Variants in MAP3K13 observed in about 807,000 individuals in gnomAD.
The protein encoded by MAP3K13 is mitogen-activated protein kinase kinase kinase 13, also known as leucine zipper-bearing kinase.
MAP3K13 carries 52 observed loss-of-function variants against 104.0 expected under a neutral mutation model. The ratio of observed to expected loss-of-function variants is 0.50; its 90% confidence interval spans 0.40 to 0.63. The LOEUF (loss-of-function observed/expected upper bound fraction) is 0.63, where lower values mean the gene tolerates loss of function less well. Ranked by LOEUF, MAP3K13 falls within the 20% of genes least tolerant of loss-of-function variation. The pLI is 0.00. For missense variants in MAP3K13, 914 were observed against 1,218.5 expected (o/e 0.75, Z 3.72); for synonymous variants, 394 against 442.2 (o/e 0.89, Z 1.37).
At chr3:185,348,748 C>A (rs1723027400) in intron 2 of MAP3K13, among the ~76,000 whole-genome samples, 1 of 152,082 alleles carries the variant, frequency 6.6e-6, no homozygotes, top group Non-Finnish European at 1.5e-5. Flanking sequence ...GAAACCCTGT[C>A]TTTACTAAAA....
chr3:185,379,131 C>G (rs1356500763), intron 1 of MAP3K13, among the ~76,000 whole-genome samples: 1 of 152,138 alleles, frequency 6.6e-6, no homozygotes, highest in Admixed American at 6.5e-5. Flanking sequence ...GGTGTCCCTG[C>G]AATTGACTTG....
intron 2 of MAP3K13, among the ~76,000 whole-genome samples, chr3:185,321,123 CAT>C (rs888956915): frequency 4.0e-5 from 6 of 150,776 alleles, no homozygotes; most frequent in African/African-American, 1.5e-4. Context: ...CGTGCACACA[CAT>C]ATACACATGT....
chr3:185,306,600 G>A (rs183454193), intron 2 of MAP3K13, among the ~76,000 whole-genome samples: 109 of 152,218 alleles, frequency 7.2e-4, no homozygotes, highest in African/African-American at 2.6e-3. Flanking sequence ...TCTGTTCAAA[G>A]TTCCTTTGCA....
intron 2 of MAP3K13, among the ~76,000 whole-genome samples, chr3:185,332,346 G>A (rs1722318819): frequency 6.6e-6 from 1 of 151,954 alleles, no homozygotes; most frequent in South Asian, 2.1e-4. Flanking sequence ...TTGTTTTTTA[G>A]AATTTACAAT....
intron 2 of MAP3K13, among the ~76,000 whole-genome samples, chr3:185,337,786 TTGTC>T (rs984415179): frequency 1.3e-5 from 2 of 151,972 alleles, no homozygotes; most frequent in African/African-American, 4.8e-5. Context: ...TGTCTTTCCA[TTGTC>T]TGTCCAGTTT....
chr3:185,336,876 T>C (rs1437807014), intron 2 of MAP3K13, among the ~76,000 whole-genome samples: 1 of 152,118 alleles, frequency 6.6e-6, no homozygotes, highest in African/African-American at 2.4e-5. Context: ...TACACCAGGA[T>C]CTGTCCTAGA....
intron 1 of MAP3K13, among the ~76,000 whole-genome samples, chr3:185,403,534 G>T (rs1712933444): frequency 6.6e-6 from 1 of 152,168 alleles, no homozygotes. Context: ...ATGGTGAGGT[G>T]ATGGATATGC....
intron 4 of MAP3K13, among the ~76,000 whole-genome samples, chr3:185,445,007 A>G (rs1017658732): frequency 6.1e-5 from 8 of 131,698 alleles, no homozygotes; most frequent in African/African-American, 1.9e-4. Context: ...ATTTAAAAAA[A>G]CTATATATTT....
intron 2 of MAP3K13, among the ~76,000 whole-genome samples, chr3:185,435,643 A>C (rs185257762): frequency 3.9e-5 from 6 of 152,336 alleles, no homozygotes; most frequent in Admixed American, 3.9e-4. Flanking sequence ...TACTGCTCAT[A>C]TCAGGAGAAC....
At chr3:185,394,837 T>G (rs1381541202) in intron 1 of MAP3K13, among the ~76,000 whole-genome samples, 1 of 152,204 alleles carries the variant, frequency 6.6e-6, no homozygotes, top group East Asian at 1.9e-4. Flanking sequence ...GAACAAGCAA[T>G]CTACTGACTG....
chr3:185,388,339 A>G (rs1400500881), intron 1 of MAP3K13, among the ~76,000 whole-genome samples: 2 of 151,940 alleles, frequency 1.3e-5, no homozygotes, highest in Non-Finnish European at 2.9e-5. Flanking sequence ...TTGTCTCTAC[A>G]AAAAATACAA....
chr3:185,341,428 A>C (rs1035675393), intron 2 of MAP3K13, among the ~76,000 whole-genome samples: 1 of 152,188 alleles, frequency 6.6e-6, no homozygotes, highest in Non-Finnish European at 1.5e-5. Flanking sequence ...TGGGCCTGCC[A>C]ACACCTTGAT....
chr3:185,413,514 G>C (rs531050640), intron 1 of MAP3K13, among the ~76,000 whole-genome samples: 1 of 152,030 alleles, frequency 6.6e-6, no homozygotes, highest in African/African-American at 2.4e-5. Flanking sequence ...TGCAAGTATA[G>C]AGTTTTAATG....
rs200715898 is a variant in MAP3K13 at position 185,455,667 on chromosome 3, T to A, written c.1278+4272T>A. On this transcript the variant is annotated intron_variant, in intron 7 of 13. Transcript: ENST00000265026. ...ATGAGATATATATATGATATATATATGATATATATATGAGATATATATATG... is the reference window on the plus strand; with the variant it reads ...ATGAGATATATATATGATATATATAAGATATATATATGAGATATATATATG... Among the ~76,000 whole-genome samples the A allele has an allele frequency of 5.9e-3, 119 of 20,150 alleles. 3 individuals carry two copies. The highest frequency in any genetic ancestry group is 9.0e-3 in the Admixed American group (10 of 1,106). The allele number at this position is 20,150 out of a possible 152,430, so 13.2% of individuals were successfully genotyped here.
chr3:185,365,950 TC>T (rs1202125069), intron 1 of MAP3K13, among the ~76,000 whole-genome samples: 3 of 58,250 alleles, frequency 5.2e-5, no homozygotes, highest in African/African-American at 5.4e-5. Context: ...CCTCCCTCCC[TC>T]CCTTCCTTCC....
intron 2 of MAP3K13, among the ~76,000 whole-genome samples, chr3:185,297,874 C>G (rs1720972541): frequency 6.8e-6 from 1 of 146,392 alleles, no homozygotes; most frequent in South Asian, 2.1e-4. Context: ...ATAAGAGCTA[C>G]TCTCTCTCTC....
chr3:185,308,153 C>T (rs537047210), intron 2 of MAP3K13, among the ~76,000 whole-genome samples: 2 of 151,910 alleles, frequency 1.3e-5, no homozygotes, highest in African/African-American at 4.8e-5. Flanking sequence ...TGGCTTCATA[C>T]AGGGAGGAAG....
chr3:185,478,675 C>A (rs2148928828), intron 12 of MAP3K13, among the ~76,000 whole-genome samples: 1 of 152,020 alleles, frequency 6.6e-6, no homozygotes, highest in South Asian at 2.1e-4. Context: ...AGTTCAAGAC[C>A]ATCCTGGCCA....
intron 2 of MAP3K13, among the ~76,000 whole-genome samples, chr3:185,429,902 T>TA (rs910602723): frequency 6.6e-6 from 1 of 152,162 alleles, no homozygotes; most frequent in Non-Finnish European, 1.5e-5. Flanking sequence ...ACACAGCTTT[T>TA]AAAAAAAGGA....
Sources: gnomAD v4.1 joint callset for allele counts (sites outside exome capture counted in the v4.1 genomes callset) on GRCh38, gnomAD v4.1.1 for gene constraint, MANE v1.5 for transcripts, NCBI Gene and HGNC (gene_info 2026-07-23, HGNC 2026-07-21) for gene names.